XPR1: variants seen among roughly 807,000 people sequenced by gnomAD.
XPR1 encodes solute carrier family 53 member 1.
XPR1 carries 28 observed loss-of-function variants against 87.5 expected under a neutral mutation model. That is an observed-to-expected ratio of 0.32 (90% CI 0.24 to 0.44). The LOEUF is 0.44. XPR1 is among the 20% of genes least tolerant of loss of function. The pLI is 1.00. For missense variants in XPR1, 559 were observed against 862.3 expected (o/e 0.65, Z 4.41); for synonymous variants, 300 against 306.1 (o/e 0.98, Z 0.21).
At chr1:180,722,753 T>C (rs1658216582) in intron 2 of XPR1, among the ~76,000 whole-genome samples, 2 of 152,220 alleles carry the variant, frequency 1.3e-5, no homozygotes, top group African/African-American at 4.8e-5. Flanking sequence ...CTTGCTTTGC[T>C]TTCCTTCTGA....
chr1:180,873,742 G>T, intron 12 of XPR1, 61 bp from the exon 13 acceptor site: 1 of 1,570,766 alleles, frequency 6.4e-7, no homozygotes, highest in South Asian at 1.2e-5. Context: ...TATGCTCATT[G>T]GTATGCCTAT....
chr1:180,854,397 G>A (rs1651967700), intron 11 of XPR1, among the ~76,000 whole-genome samples: 1 of 152,180 alleles, frequency 6.6e-6, no homozygotes, highest in African/African-American at 2.4e-5. Context: ...CCAAATGTGT[G>A]GTGAGTAAAC....
In XPR1 at chr1:180,887,026, G is replaced by T. The variant is rs1653033380; in HGVS notation, c.*2960G>T. On this transcript the variant is annotated 3_prime_UTR_variant, in exon 15 of 15. Transcript: ENST00000367590. The stretch of plus-strand genomic sequence containing the variant: ...GTCTCTACTAAAAATACAAAAATTA[G>T]CTGGGCGTGGTGGCGCATGCCTGTA... 6.6e-6 allele frequency: 1 copy of T among 152,240 alleles called. No homozygotes were observed. The allele number at this position is 152,240 out of a possible 1,614,324, so 9.4% of individuals were successfully genotyped here.
At chr1:180,707,101 A>G (rs978695063) in intron 2 of XPR1, among the ~76,000 whole-genome samples, 1 of 152,222 alleles carries the variant, frequency 6.6e-6, no homozygotes, top group African/African-American at 2.4e-5. Flanking sequence ...AGAATCAACA[A>G]AAATAACGGT....
At chr1:180,737,537 A>G (rs981249897) in intron 2 of XPR1, among the ~76,000 whole-genome samples, 1 of 152,210 alleles carries the variant, frequency 6.6e-6, no homozygotes, top group African/African-American at 2.4e-5. Flanking sequence ...AATCCATGTA[A>G]TCAGCACCAC....
intron 2 of XPR1, among the ~76,000 whole-genome samples, chr1:180,764,788 C>CTT (rs60659660): frequency 0.042 from 5,424 of 129,644 alleles, 165 homozygotes; most frequent in African/African-American, 0.073. Flanking sequence ...AATTTTTTTT[C>CTT]TTTTTTTTTT....
chr1:180,737,809 A>T (rs1476021513), intron 2 of XPR1, among the ~76,000 whole-genome samples: 1 of 152,146 alleles, frequency 6.6e-6, no homozygotes, highest in African/African-American at 2.4e-5. Context: ...GTTGCTGAGT[A>T]GCATTCCGTT....
chr1:180,824,097 G>A (rs73034723), intron 7 of XPR1, among the ~76,000 whole-genome samples: 6,557 of 152,122 alleles, frequency 0.043, 506 homozygotes, highest in African/African-American at 0.15. Flanking sequence ...TTGTCATGCC[G>A]GATCCCCAAA....
At chr1:180,742,832 C>T (rs1249995563) in intron 2 of XPR1, among the ~76,000 whole-genome samples, 2 of 152,058 alleles carry the variant, frequency 1.3e-5, no homozygotes, top group African/African-American at 4.8e-5. Flanking sequence ...GGTGCATCCA[C>T]ACTTTCAAAG....
Position 180,676,523 on chromosome 1 carries a change from C to T in XPR1, c.70-5837C>T, listed in dbSNP as rs77704515. Reference sequence around the variant, plus strand: ...ACTCTGATTTTAGCAATCTTTTGTTCATTTACCTTCTGGAAATATCCTATT... The same window carrying T: ...ACTCTGATTTTAGCAATCTTTTGTTTATTTACCTTCTGGAAATATCCTATT... On this transcript the variant is annotated intron_variant, in intron 1 of 14. Transcript: ENST00000367590. Among the ~76,000 whole-genome samples the T allele has an allele frequency of 7.9e-3, 1,201 of 152,088 alleles. 17 individuals are homozygous for T. The highest frequency in any genetic ancestry group is 0.028 in the African/African-American group (1,147 of 41,496).
At chr1:180,637,161 T>C (rs943694395) in intron 1 of XPR1, among the ~76,000 whole-genome samples, 5 of 151,812 alleles carry the variant, frequency 3.3e-5, no homozygotes, top group African/African-American at 1.2e-4. Context: ...ATTTAATAAA[T>C]GGATTGATGC....
intron 2 of XPR1, among the ~76,000 whole-genome samples, chr1:180,727,441 C>T (rs1020239456): frequency 5.3e-5 from 8 of 152,120 alleles, no homozygotes; most frequent in African/African-American, 1.9e-4. Flanking sequence ...GTCAGGAGTT[C>T]GAGACCAGCC....
chr1:180,821,911 T>C (rs1020553282), intron 7 of XPR1, among the ~76,000 whole-genome samples: 1 of 152,246 alleles, frequency 6.6e-6, no homozygotes, highest in Non-Finnish European at 1.5e-5. Flanking sequence ...AATTTACTAA[T>C]TCTAGTAGTT....
chr1:180,831,748 A>G (rs531414115), intron 9 of XPR1, among the ~76,000 whole-genome samples: 34 of 152,208 alleles, frequency 2.2e-4, no homozygotes, highest in African/African-American at 8.2e-4. Context: ...ATGGCTGCAT[A>G]GTATTCCATG....
intron 1 of XPR1, among the ~76,000 whole-genome samples, chr1:180,636,081 G>T (rs1571661192): frequency 6.6e-6 from 1 of 152,246 alleles, no homozygotes; most frequent in East Asian, 1.9e-4. Flanking sequence ...CAGGATTTTG[G>T]AAAGGAGAGG....
chr1:180,672,753 A>G (rs1285283931), intron 1 of XPR1, among the ~76,000 whole-genome samples: 1 of 152,048 alleles, frequency 6.6e-6, no homozygotes, highest in Non-Finnish European at 1.5e-5. Flanking sequence ...TTTCTGGGGT[A>G]TTGTAGATGA....
intron 7 of XPR1, among the ~76,000 whole-genome samples, chr1:180,816,348 C>T (rs12119247): frequency 0.31 from 47,608 of 151,984 alleles, 8,205 homozygotes; most frequent in Non-Finnish European, 0.38. Context: ...TGACAGGAGG[C>T]GGAGCTCAGG....
intron 1 of XPR1, among the ~76,000 whole-genome samples, chr1:180,644,910 C>T (rs1485022017): frequency 6.6e-6 from 1 of 151,884 alleles, no homozygotes; most frequent in Non-Finnish European, 1.5e-5. Context: ...ATGGTCCCAT[C>T]TGGGGCTGAG....
intron 7 of XPR1, among the ~76,000 whole-genome samples, chr1:180,818,896 A>G (rs929136164): frequency 8.5e-5 from 13 of 152,090 alleles, no homozygotes; most frequent in African/African-American, 3.1e-4. Context: ...AAAGTTTTGG[A>G]TCTTTGATGA....
Sources: allele counts gnomAD v4.1 joint callset (sites outside exome capture counted in the v4.1 genomes callset), GRCh38; gene constraint gnomAD v4.1.1; transcripts MANE v1.5; gene names NCBI Gene and HGNC (gene_info 2026-07-23, HGNC 2026-07-21).